Variants in NXPH4 observed in about 807,000 individuals in gnomAD.
NXPH4 encodes neurexophilin 4, also known as neurexophilin-4.
In NXPH4, 8 loss-of-function variants were observed where a neutral mutation model predicts 21.3. That is an observed-to-expected ratio of 0.38 (90% CI 0.22 to 0.68). The LOEUF is 0.68. Among genes scored for constraint, NXPH4 ranks in the 30% least tolerant of loss-of-function variants. The probability of loss-of-function intolerance (pLI) is 0.53; values close to 1 mark genes in which losing one functional copy is unlikely to be tolerated. For missense variants in NXPH4, 418 were observed against 416.8 expected, an observed-to-expected ratio of 1.00 and a Z score of -0.03; for synonymous variants, 219 against 192.6, an observed-to-expected ratio of 1.14 and a Z score of -1.13.
chr12:57,223,790 C>T (rs2037114286), intron 1 of NXPH4, among the ~76,000 whole-genome samples: 3 of 152,236 alleles, frequency 2.0e-5, no homozygotes, highest in South Asian at 2.1e-4. Flanking sequence ...ATTGATGGCC[C>T]GGGCCTGGCC....
intron 1 of NXPH4, among the ~76,000 whole-genome samples, chr12:57,217,297 C>G (rs1319038210): frequency 6.6e-6 from 1 of 152,222 alleles, no homozygotes; most frequent in African/African-American, 2.4e-5. Flanking sequence ...GCCCGACCCG[C>G]GAGTGCGCCA....
intron 1 of NXPH4, among the ~76,000 whole-genome samples, chr12:57,217,441 C>T (rs2037051598): frequency 6.6e-6 from 1 of 152,222 alleles, no homozygotes; most frequent in South Asian, 2.1e-4. Context: ...TCCCATTTCT[C>T]TTCTCTGCAC....
Position 57,216,852 on chromosome 12 carries a change from C to A in NXPH4, c.-118C>A, listed in dbSNP as rs1164356051. The A allele has an allele frequency of 9.0e-5, 44 of 490,916 alleles. No homozygotes were observed. The South Asian group carries it at 3.3e-3, about 37-fold the overall frequency. 30.4% of individuals were successfully genotyped at this position (490,916 alleles called of 1,614,324 possible). ...GGCCGCGCCGCCGCTCCCGCCGCTC[C>A]CGCCGCTCCCGCCGCTCCCGCAGCC... On this transcript the variant is annotated 5_prime_UTR_variant, in exon 1 of 2. Coordinates refer to ENST00000349394, the MANE Select transcript of NXPH4 (RefSeq NM_007224.4). This position sits in a 1 kb window ranked among gnomAD's most constrained non-coding sequence, Gnocchi z 5.3.
chr12:57,220,454 G>A lies in NXPH4; in HGVS notation c.57+3428G>A, dbSNP rs2136768269. Reference sequence around the variant, plus strand: ...GGACCGCGCTGGCTCCAGGAAGCAGGGAAATAAAATAAAATAAAATAAAAT... The same window carrying A: ...GGACCGCGCTGGCTCCAGGAAGCAGAGAAATAAAATAAAATAAAATAAAAT... On this transcript the variant is annotated intron_variant, in intron 1 of 1. Transcript: ENST00000349394. 1.9e-5 allele frequency among the ~76,000 whole-genome samples: 2 copies of A among 106,794 alleles called. 1 individual carries two copies. Among genetic ancestry groups the A allele is most frequent in the African/African-American group, 5.5e-5 (2 of 36,230 alleles). The allele number at this position is 106,794 out of a possible 152,430, so 70.1% of individuals were successfully genotyped here. A position where few individuals can be genotyped will look rare whatever the true frequency, so the allele number is the denominator to read the frequency against.
intron 1 of NXPH4, among the ~76,000 whole-genome samples, chr12:57,220,938 C>T (rs953542098): frequency 6.6e-6 from 1 of 152,008 alleles, no homozygotes; most frequent in African/African-American, 2.4e-5. Context: ...TCCACCATTC[C>T]TGTCCCCATG....
chr12:57,223,280 G>A (rs181566525), intron 1 of NXPH4, among the ~76,000 whole-genome samples: 5 of 151,906 alleles, frequency 3.3e-5, no homozygotes, highest in South Asian at 2.1e-4. Flanking sequence ...CCCTCAGACC[G>A]CTATACACAG....
In NXPH4 at chr12:57,225,838, A is replaced by G. The variant is rs1459038030; in HGVS notation, c.*91A>G. ...CCAGTGTTCTGCCGCTCCTGTGGCCATGTCGCCCACTCCTTCCACTCTGGG... is the reference window on the plus strand; with the variant it reads ...CCAGTGTTCTGCCGCTCCTGTGGCCGTGTCGCCCACTCCTTCCACTCTGGG... On this transcript the variant is annotated 3_prime_UTR_variant, in exon 2 of 2. Coordinates refer to ENST00000349394, the MANE Select transcript of NXPH4 (RefSeq NM_007224.4). 5 of 1,521,576 alleles carry G rather than the reference A, an allele frequency of 3.3e-6. No homozygotes were observed. Among genetic ancestry groups the G allele is most frequent in the South Asian group, 1.3e-5 (1 of 79,114 alleles). 94.3% of individuals were successfully genotyped at this position (1,521,576 alleles called of 1,614,324 possible). A position where few individuals can be genotyped will look rare whatever the true frequency, so the allele number is the denominator to read the frequency against.
chr12:57,222,522 G>T (rs2037101843), intron 1 of NXPH4, among the ~76,000 whole-genome samples: 1 of 152,118 alleles, frequency 6.6e-6, no homozygotes, highest in Non-Finnish European at 1.5e-5. Flanking sequence ...GGATAGGGGG[G>T]ACCTGGATGA....
intron 1 of NXPH4, among the ~76,000 whole-genome samples, chr12:57,219,122 A>C (rs2037065982): frequency 6.6e-6 from 1 of 152,106 alleles, no homozygotes. Context: ...GGTGAGGCTG[A>C]TCCTGGGTAA....
chr12:57,221,214 C>T (rs2037088381), intron 1 of NXPH4: 4 of 405,832 alleles, frequency 9.9e-6, no homozygotes, highest in East Asian at 7.4e-5. Flanking sequence ...CTCTATCCCT[C>T]GTTCCCAGCC....
In NXPH4 at chr12:57,217,010, C is replaced by G. The variant is rs753611581; in HGVS notation, c.41C>G (p.Pro14Arg). Residue 14 changes from proline to arginine, a missense_variant, in exon 1 of 2, where the codon CCG (proline) becomes CGG (arginine). By Grantham distance (103) the Pro-to-Arg change is moderately radical (BLOSUM62 -2). Coordinates refer to ENST00000349394, the MANE Select transcript of NXPH4 (RefSeq NM_007224.4). ...GAATGGTTCCTCTTGCTCTTTGGCC[C>G]GTGGCTCCTTAGGAAGGTAAGAGTG... is the stretch of plus-strand genomic sequence containing the variant. ...LPEWFLLLFG[P>R]WLLRKAVSAQ... 5 of 1,606,784 alleles carry G rather than the reference C, an allele frequency of 3.1e-6. No homozygotes were observed. The highest frequency in any genetic ancestry group is 1.7e-5 in the Admixed American group (1 of 59,494).
chr12:57,218,475 T>TGG (rs2037060267), intron 1 of NXPH4, among the ~76,000 whole-genome samples: 1 of 151,704 alleles, frequency 6.6e-6, no homozygotes. Flanking sequence ...GGTCAAGAGG[T>TGG]GGTAGGTATG....
rs2037064330 is a variant in NXPH4, at chr12:57,218,945, T to C, written c.57+1919T>C. 2.0e-5 allele frequency among the ~76,000 whole-genome samples: 3 copies of C among 150,346 alleles called. No homozygotes were observed. The South Asian group carries it at 6.6e-4, about 33-fold the overall frequency. On this transcript the variant is annotated intron_variant, in intron 1 of 1. Coordinates refer to ENST00000349394, the MANE Select transcript of NXPH4 (RefSeq NM_007224.4). ...TGTGCTGGGGCCCATGTGTTGTCTG[T>C]ATGAGTCTCTGGGGTTTGTGAGTGT...
intron 1 of NXPH4, chr12:57,221,430 G>A: frequency 2.3e-6 from 1 of 443,656 alleles, no homozygotes; most frequent in Non-Finnish European, 4.6e-6. Context: ...CAATGCGGCT[G>A]GGGGGCTGAC....
At chr12:57,219,467 C>T (rs1422522945) in intron 1 of NXPH4, among the ~76,000 whole-genome samples, 2 of 152,192 alleles carry the variant, frequency 1.3e-5, no homozygotes, top group South Asian at 2.1e-4. Flanking sequence ...TCACTAATTA[C>T]TAATTAGCTG....
intron 1 of NXPH4, among the ~76,000 whole-genome samples, chr12:57,220,696 C>T (rs1022656283): frequency 6.6e-6 from 1 of 152,130 alleles, no homozygotes; most frequent in Non-Finnish European, 1.5e-5. Flanking sequence ...TGGTCTTTGC[C>T]TTGCCCTCTG....
intron 1 of NXPH4, 147 bp downstream of exon 1, chr12:57,217,173 C>G (rs2037048239): frequency 2.8e-6 from 2 of 708,162 alleles, no homozygotes. Context: ...GACAGACAGA[C>G]TGCCCGATTC....
Position 57,225,713 on chromosome 12 carries a change from A to G in NXPH4, c.893A>G (p.Tyr298Cys), listed in dbSNP as rs1334906934. The change falls in exon 2 of 2, where the codon TAT becomes TGT. Residue 298 changes from tyrosine (Y) to cysteine (C), a missense_variant. Physicochemically the swap from Tyr to Cys is radical, Grantham distance 194. Transcript: ENST00000349394. ...CTGGTGCAGAAGGTGTGCCCAGACT[A>G]TAACTTCCAGAGTGAGCACCCCTAC... ...YKLVQKVCPD[Y>C]NFQSEHPYFG The G allele has an allele frequency of 6.2e-7, 1 of 1,613,720 alleles. No individual in the cohort carries two copies.
chr12:57,225,449 G>T lies in NXPH4; in HGVS notation c.629G>T (p.Gly210Val). ...AGPGLGGSLG[G>V]ALAGPLGGAL... ...CCCGGGCTTGGGGGCTCCCTCGGGG[G>T]CGCACTGGCGGGGCCGCTTGGGGGC... The change falls in exon 2 of 2, where the codon GGC (glycine) becomes GTC (valine). Residue 210 changes from glycine (G) to valine (V), a missense_variant. Transcript: ENST00000349394. The T allele has an allele frequency of 6.2e-7, 1 of 1,603,412 alleles. No individual in the cohort carries two copies. The highest frequency in any genetic ancestry group is 1.1e-5 in the South Asian group (1 of 90,868).
Sources: allele counts gnomAD v4.1 joint callset (sites outside exome capture counted in the v4.1 genomes callset), GRCh38; gene constraint gnomAD v4.1.1; non-coding constraint Gnocchi (gnomAD v3.1); transcripts MANE v1.5; gene names NCBI Gene and HGNC (gene_info 2026-07-23, HGNC 2026-07-21).